Variants in PARD3 observed in about 807,000 individuals in gnomAD.
PARD3 encodes the protein par-3 family cell polarity regulator.
PARD3 carries 75 observed loss-of-function variants against 155.4 expected under a neutral mutation model. The observed-to-expected ratio is 0.48, with a 90% CI of 0.40 to 0.58. The LOEUF (loss-of-function observed/expected upper bound fraction) is 0.58, where lower values mean the gene tolerates loss of function less well. Ranked by LOEUF, PARD3 falls within the 20% of genes least tolerant of loss-of-function variation. The pLI, the probability that PARD3 is intolerant of heterozygous loss-of-function variation, is 0.00. For missense variants in PARD3, 1,642 were observed against 1,721.7 expected (o/e 0.95, Z 0.82); for synonymous variants, 576 against 610.5 (o/e 0.94, Z 0.83).
At chr10:34,519,310 T>C (rs1429141436) in intron 2 of PARD3, among the ~76,000 whole-genome samples, 1 of 152,186 alleles carries the variant, frequency 6.6e-6, no homozygotes, top group African/African-American at 2.4e-5. Context: ...AATTGTTCTA[T>C]GATTATGTAA....
At chr10:34,742,850 C>G (rs373765231) in intron 1 of PARD3, among the ~76,000 whole-genome samples, 5 of 152,208 alleles carry the variant, frequency 3.3e-5, no homozygotes, top group East Asian at 3.8e-4. Flanking sequence ...CAATCACCAA[C>G]AAGGCACAGC....
chr10:34,142,221 A>G (rs1357772644), intron 22 of PARD3, among the ~76,000 whole-genome samples: 2 of 152,274 alleles, frequency 1.3e-5, no homozygotes, highest in Admixed American at 1.3e-4. Flanking sequence ...TTTTCGGGGT[A>G]TACCTATGAA....
In PARD3 at chr10:34,380,099, A is replaced by G. The variant is rs116259732; in HGVS notation, c.1400-1993T>C. Among the ~76,000 whole-genome samples, 286 of 152,244 alleles carry G rather than the reference A, an allele frequency of 1.9e-3. 2 individuals are homozygous for G. The highest frequency in any genetic ancestry group is 6.5e-3 in the African/African-American group (272 of 41,574). On this transcript the variant is annotated intron_variant, in intron 9 of 24. Coordinates refer to ENST00000374788, the MANE Select transcript of PARD3 (RefSeq NM_001184785.2). ...CTTGTAAGAAAAAAATCTGCTAGCT[A>G]CAAGGAAAGCCTGTTCAATTCTCCT...
chr10:34,794,653 G>A lies in PARD3; in HGVS notation c.120+20223C>T, dbSNP rs1333744432. Among the ~76,000 whole-genome samples the A allele has an allele frequency of 2.6e-5, 4 of 152,166 alleles. 1 individual carries two copies. Among genetic ancestry groups the A allele is most frequent in the Non-Finnish European group, 5.9e-5 (4 of 68,044 alleles). On this transcript the variant is annotated intron_variant, in intron 1 of 24. Coordinates refer to ENST00000374788, the MANE Select transcript of PARD3 (RefSeq NM_001184785.2). ...CACCACTTTGAACCTCTTAGAAGAT[G>A]CCACATAAACCTAAGATGTTATTAT...
intron 7 of PARD3, among the ~76,000 whole-genome samples, chr10:34,394,245 C>A (rs1318589627): frequency 6.6e-6 from 1 of 152,130 alleles, no homozygotes; most frequent in Admixed American, 6.5e-5. Flanking sequence ...ACGCTGGTCT[C>A]GCACTCCTGA....
chr10:34,350,396 G>A (rs1045254765), intron 14 of PARD3, among the ~76,000 whole-genome samples: 1 of 152,164 alleles, frequency 6.6e-6, no homozygotes, highest in Non-Finnish European at 1.5e-5. Flanking sequence ...TGTAATCCCA[G>A]CACTTTGGAA....
rs915490000 is a variant in PARD3, at chr10:34,419,379, T to C, written c.715-17462A>G. 1.6e-4 allele frequency among the ~76,000 whole-genome samples: 24 copies of C among 152,066 alleles called. 1 individual carries two copies. Among genetic ancestry groups the C allele is most frequent in the Admixed American group, 6.6e-5 (1 of 15,264 alleles). ...TAAAAATACAAAAATTAACCAGGCA[T>C]GGTGGCATGTGCCTGTAGTCGCAGC... On this transcript the variant is annotated intron_variant, in intron 5 of 24. Coordinates refer to ENST00000374788, the MANE Select transcript of PARD3 (RefSeq NM_001184785.2).
At chr10:34,597,397 CTTT>C (rs1263328776) in intron 2 of PARD3, among the ~76,000 whole-genome samples, 1 of 151,484 alleles carries the variant, frequency 6.6e-6, no homozygotes, top group East Asian at 1.9e-4. Flanking sequence ...CAACATCTTA[CTTT>C]TTTAACTTTT....
At chr10:34,324,463 GA>G (rs1165631839) in intron 19 of PARD3, among the ~76,000 whole-genome samples, 22 of 152,184 alleles carry the variant, frequency 1.4e-4, no homozygotes, top group African/African-American at 5.1e-4. Flanking sequence ...GGGGAAGAAA[GA>G]AGATACACCT....
At chr10:34,399,228 C>T in intron 7 of PARD3, 102 bp downstream of exon 7, 2 of 770,042 alleles carry the variant, frequency 2.6e-6, no homozygotes, top group Non-Finnish European at 4.6e-6. Flanking sequence ...AGAATGTTTC[C>T]TATTAAGCAT....
At chr10:34,117,402 C>G (rs1269066427) in intron 24 of PARD3, among the ~76,000 whole-genome samples, 1 of 152,112 alleles carries the variant, frequency 6.6e-6, no homozygotes, top group Non-Finnish European at 1.5e-5. Flanking sequence ...GTCAGCTCAC[C>G]CTTCCGATGG....
intron 22 of PARD3, among the ~76,000 whole-genome samples, chr10:34,244,615 T>C (rs1340859158): frequency 2.0e-5 from 3 of 152,240 alleles, no homozygotes; most frequent in Non-Finnish European, 2.9e-5. Flanking sequence ...AGTGTAATAA[T>C]AGATTTGTAA....
intron 5 of PARD3, among the ~76,000 whole-genome samples, chr10:34,418,113 T>G (rs1845845538): frequency 6.6e-6 from 1 of 152,148 alleles, no homozygotes; most frequent in Admixed American, 6.6e-5. Flanking sequence ...ATTTTAAGTG[T>G]CTATCATTTA....
intron 15 of PARD3, chr10:34,345,310 A>G (rs538025109): frequency 1.0e-6 from 1 of 985,406 alleles, no homozygotes; most frequent in East Asian, 1.1e-4. Flanking sequence ...GTGTTCACAT[A>G]GGAATGCATC....
At chr10:34,296,581 T>C (rs1956922076) in intron 20 of PARD3, among the ~76,000 whole-genome samples, 1 of 152,186 alleles carries the variant, frequency 6.6e-6, no homozygotes, top group South Asian at 2.1e-4. Flanking sequence ...TAAAGATCAC[T>C]ATGTAAGAAT....
chr10:34,534,710 T>C (rs1227150884), intron 2 of PARD3, among the ~76,000 whole-genome samples: 1 of 152,018 alleles, frequency 6.6e-6, no homozygotes, highest in Non-Finnish European at 1.5e-5. Flanking sequence ...TTGCTATCAT[T>C]AGTATCATCC....
In PARD3 at chr10:34,796,941, T is replaced by A. The variant is rs911762414; in HGVS notation, c.120+17935A>T. 7.2e-5 allele frequency among the ~76,000 whole-genome samples: 11 copies of A among 152,306 alleles called. No homozygotes were observed. The East Asian group carries it at 1.7e-3, about 24-fold the overall frequency. ...CGGAGGTTGCTATGAACTGAGATCG[T>A]GCCACTGCACTCCAGCCTGGATGGC... On this transcript the variant is annotated intron_variant, in intron 1 of 24. Transcript: ENST00000374788.
chr10:34,212,193 A>G (rs55798232), intron 22 of PARD3, among the ~76,000 whole-genome samples: 1,739 of 152,234 alleles, frequency 0.011, 36 homozygotes, highest in African/African-American at 0.04. Flanking sequence ...ATCAACACTT[A>G]CCATCATGAC....
At chr10:34,544,778 A>C (rs943505608) in intron 2 of PARD3, among the ~76,000 whole-genome samples, 8 of 152,332 alleles carry the variant, frequency 5.3e-5, no homozygotes, top group African/African-American at 1.9e-4. Flanking sequence ...TGCTGTACCA[A>C]GTGACATCCA....
Sources: gnomAD v4.1 joint callset for allele counts (sites outside exome capture counted in the v4.1 genomes callset) on GRCh38, gnomAD v4.1.1 for gene constraint, MANE v1.5 for transcripts, NCBI Gene and HGNC (gene_info 2026-07-23, HGNC 2026-07-21) for gene names.